The following ATG12 variants were observed in gnomAD, a reference collection of about 807,000 sequenced individuals.
ATG12 encodes autophagy related 12, also known as ubiquitin-like protein ATG12.
Under a neutral mutation model 17.6 loss-of-function variants are expected in ATG12, and 19 were observed. The ratio of observed to expected loss-of-function variants is 1.08; its 90% CI spans 0.75 to 1.58. The LOEUF (loss-of-function observed/expected upper bound fraction) is 1.58. Ranked by LOEUF, ATG12 falls within the 40% of genes most tolerant of loss-of-function variation. The pLI is 0.00. For missense variants in ATG12, 214 were observed against 162.0 expected, an observed-to-expected ratio of 1.32 and a Z score of -1.74; for synonymous variants, 75 against 62.4, an observed-to-expected ratio of 1.20 and a Z score of -0.95.
chr5:115,840,103 GA>G (rs1306137157), intron 1 of ATG12, among the ~76,000 whole-genome samples: 1 of 152,042 alleles, frequency 6.6e-6, no homozygotes, highest in Non-Finnish European at 1.5e-5. Context: ...TAAATTGGAA[GA>G]AAAAATGCAA....
At chr5:115,840,802 C>T (rs1580580334) in intron 1 of ATG12, 29 of 1,207,132 alleles carry the variant, frequency 2.4e-5, no homozygotes, top group Middle Eastern at 2.3e-4. Flanking sequence ...CTGACTCAAG[C>T]AATGAAATAA....
intron 2 of ATG12, chr5:115,834,087 G>A (rs528333422): frequency 6.6e-6 from 1 of 152,250 alleles, no homozygotes; most frequent in African/African-American, 2.4e-5. Flanking sequence ...CTAGCAAAAG[G>A]GTCAGTGATG....
chr5:115,839,976 G>A (rs980674749), intron 1 of ATG12, among the ~76,000 whole-genome samples: 2 of 152,330 alleles, frequency 1.3e-5, no homozygotes, highest in Admixed American at 6.5e-5. Flanking sequence ...TATTTAGATT[G>A]TAAGCCATTT....
Position 115,832,626 on chromosome 5 carries a change from G to C in ATG12, c.339C>G (p.Asp113Glu), listed in dbSNP as rs747389978. The change falls in exon 3 of 4, where the codon GAC (aspartate) becomes GAG (glutamate). Residue 113 changes from aspartate (D) to glutamate (E), a missense_variant. Transcript: ENST00000509910. ...CCTCATAGAGAGTTCCAACTTCTTG[G>C]TCTGGGGAAGGAGCAAAGGACTGAT... ...YVNQSFAPSP[D>E]QEVGTLYECF... 24 of 1,477,434 alleles carry C rather than the reference G, an allele frequency of 1.6e-5. No individual in the cohort carries two copies. The highest frequency in any genetic ancestry group is 7.7e-5 in the Admixed American group (3 of 38,898). 91.5% of individuals were successfully genotyped at this position (1,477,434 alleles called of 1,614,324 possible).
At position 115,832,571 on chromosome 5, in the gene ATG12, CTTTTTTTTT is replaced by C. The variant is rs35310189; in HGVS notation, c.363+22_363+30del. 1,887 of 801,464 alleles carry C rather than the reference CTTTTTTTTT, an allele frequency of 2.4e-3. 1 individual carries two copies. The highest frequency in any genetic ancestry group is 3.8e-3 in the Middle Eastern group (7 of 1,854). 49.6% of individuals were successfully genotyped at this position (801,464 alleles called of 1,614,324 possible). On this transcript the variant is annotated intron_variant, in intron 3 of 3. Transcript: ENST00000509910. ...AAGAAAAAAAAGCAGTAATTTCTTT[CTTTTTTTTT>C]TTTTTTTTTTTTTTTTTTTACCTCA...
intron 2 of ATG12, among the ~76,000 whole-genome samples, chr5:115,836,915 C>T (rs1054645532): frequency 4.6e-5 from 7 of 152,176 alleles, no homozygotes; most frequent in African/African-American, 7.2e-5. Context: ...AAGTGCTTAA[C>T]GTGTACTGTT....
intron 2 of ATG12, chr5:115,835,176 T>A (rs1219712138): frequency 1.3e-5 from 2 of 152,174 alleles, no homozygotes; most frequent in Non-Finnish European, 2.9e-5. Flanking sequence ...ACCATCTTAT[T>A]GTTTTTAGCT....
At chr5:115,832,709 A>G (rs767289034) in intron 2 of ATG12, 45 bp from the exon 3 acceptor site, 1 of 1,444,820 alleles carries the variant, frequency 6.9e-7, no homozygotes, top group South Asian at 1.5e-5. Context: ...TGGTATCCTG[A>G]TTAATCTGCA....
Position 115,841,389 on chromosome 5 carries a change from CTTT to C in ATG12, c.161_163del (p.Lys54del). The C allele has an allele frequency of 6.2e-7, 1 of 1,611,702 alleles. No individual in the cohort carries two copies. The highest frequency in any genetic ancestry group is 1.8e-4 in the Middle Eastern group (1 of 5,524). ...CTCTGCCCGGAAATAAATTCAGTTACTTTTTTTCTTGGTGTCGCCAGCAGGTTC... is the reference window on the plus strand; with the variant it reads ...CTCTGCCCGGAAATAAATTCAGTTACTTTTCTTGGTGTCGCCAGCAGGTTC... On this transcript the variant is annotated inframe_deletion and splice_region_variant, in exon 1 of 4. Coordinates refer to ENST00000509910, the MANE Select transcript of ATG12 (RefSeq NM_004707.4).
In ATG12 at chr5:115,831,569, G is replaced by C. The variant is rs1433479178; in HGVS notation, c.*235C>G. Reference sequence around the variant, plus strand: ...CTGCAGCAATAATAGTAACAAGTAGGAGCAATGGGTGTACTATCATGACCA... The same window carrying C: ...CTGCAGCAATAATAGTAACAAGTAGCAGCAATGGGTGTACTATCATGACCA... On this transcript the variant is annotated 3_prime_UTR_variant, in exon 4 of 4. Transcript: ENST00000509910. 1.8e-5 allele frequency: 10 copies of C among 568,452 alleles called. No individual in the cohort carries two copies. In the Admixed American group the frequency reaches 3.3e-4, roughly 19 times the overall value. The allele number at this position is 568,452 out of a possible 1,614,324, so 35.2% of individuals were successfully genotyped here. A position where few individuals can be genotyped will look rare whatever the true frequency, so the allele number is the denominator to read the frequency against.
Position 115,837,748 on chromosome 5 carries a change from C to G in ATG12, c.180G>C (p.Lys60Asn). The G allele has an allele frequency of 6.2e-7, 1 of 1,601,600 alleles. No individual in the cohort carries two copies. Among genetic ancestry groups the G allele is most frequent in the Non-Finnish European group, 8.5e-7 (1 of 1,176,712 alleles). ...TCATAATAGGAGTGTCTCCCACAGCCTTTAGCAAAATGTCAACTGTAAAAG... is the reference window on the plus strand; with the variant it reads ...TCATAATAGGAGTGTCTCCCACAGCGTTTAGCAAAATGTCAACTGTAAAAG... Reference protein sequence around the residue: ...DTKKKIDILLKAVGDTPIMKT... With the variant: ...DTKKKIDILLNAVGDTPIMKT... The change falls in exon 2 of 4, where the codon AAG becomes AAC. Residue 60 changes from lysine (K) to asparagine (N), a missense_variant. Transcript: ENST00000509910.
chr5:115,831,638 G>C lies in ATG12; in HGVS notation c.*166C>G. On this transcript the variant is annotated 3_prime_UTR_variant, in exon 4 of 4. Transcript: ENST00000509910. ...GCATTAATACAAATCACATTTTTCT[G>C]AGTCCATTCATGCTATGGATGTTTT... 3.0e-6 allele frequency: 2 copies of C among 675,484 alleles called. No individual in the cohort carries two copies. The highest frequency in any genetic ancestry group is 5.2e-6 in the Non-Finnish European group (2 of 385,972). 41.8% of individuals were successfully genotyped at this position (675,484 alleles called of 1,614,324 possible). A position where few individuals can be genotyped will look rare whatever the true frequency, so the allele number is the denominator to read the frequency against.
In ATG12 at chr5:115,830,777, A is replaced by C. The variant is rs1486340288; in HGVS notation, c.*1027T>G. On this transcript the variant is annotated 3_prime_UTR_variant, in exon 4 of 4. Transcript: ENST00000509910. ...CGCAATCCCCACACCTCAGCCTTCC[A>C]AAGTGCTGGGATTACAGGTGTAAGC... The C allele has an allele frequency of 6.6e-6, 1 of 152,122 alleles. No homozygotes were observed. The highest frequency in any genetic ancestry group is 2.4e-5 in the African/African-American group (1 of 41,394). 9.4% of individuals were successfully genotyped at this position (152,122 alleles called of 1,614,324 possible).
In ATG12 at chr5:115,832,670, A is replaced by G; in HGVS notation, c.301-6T>C. On this transcript the variant is annotated splice_region_variant and splice_polypyrimidine_tract_variant and intron_variant, in intron 2 of 3. Transcript: ENST00000509910. Reference sequence around the variant, plus strand: ...GACTGATTCACATAAATAAACTACAAGAAAGGAAGGAAAAACAGAGATGTT... The same window carrying G: ...GACTGATTCACATAAATAAACTACAGGAAAGGAAGGAAAAACAGAGATGTT... 6.5e-7 allele frequency: 1 copy of G among 1,528,428 alleles called. No homozygotes were observed. Among genetic ancestry groups the G allele is most frequent in the African/African-American group, 1.4e-5 (1 of 69,350 alleles). 94.7% of individuals were successfully genotyped at this position (1,528,428 alleles called of 1,614,324 possible).
In ATG12 at chr5:115,831,810, C is replaced by G; in HGVS notation, c.417G>C (p.Trp139Cys). ...AGTTGATTTTCTTTGTGGTTCATCC[C>G]CACGCCTGAGACTTGCAGTAATGTA... is the stretch of plus-strand genomic sequence containing the variant. ...LVLHYCKSQA[W>C]G Residue 139 changes from tryptophan (W) to cysteine (C), a missense_variant, in exon 4 of 4, where the codon TGG becomes TGC. Coordinates refer to ENST00000509910, the MANE Select transcript of ATG12 (RefSeq NM_004707.4). 6.2e-7 allele frequency: 1 copy of G among 1,612,290 alleles called. No individual in the cohort carries two copies. The highest frequency in any genetic ancestry group is 8.5e-7 in the Non-Finnish European group (1 of 1,179,444).
At position 115,831,761 on chromosome 5, in the gene ATG12, GA is replaced by G; in HGVS notation, c.*42del. Reference sequence around the variant, plus strand: ...AACTTTTCAGAGCTGTCTCTTCCGTGAAAATCCATTTCATGTAGTAGCAAGT... The same window carrying G: ...AACTTTTCAGAGCTGTCTCTTCCGTGAAATCCATTTCATGTAGTAGCAAGT... On this transcript the variant is annotated 3_prime_UTR_variant, in exon 4 of 4. Coordinates refer to ENST00000509910, the MANE Select transcript of ATG12 (RefSeq NM_004707.4). 6.3e-7 allele frequency: 1 copy of G among 1,591,812 alleles called. No individual in the cohort carries two copies. Among genetic ancestry groups the G allele is most frequent in the East Asian group, 2.2e-5 (1 of 44,550 alleles).
chr5:115,837,218 T>TC (rs1761140629), intron 2 of ATG12, among the ~76,000 whole-genome samples: 1 of 152,138 alleles, frequency 6.6e-6, no homozygotes, highest in African/African-American at 2.4e-5. Context: ...CCCCAGAGAA[T>TC]CCTTTGATAA....
Position 115,832,603 on chromosome 5 carries a change from T to C in ATG12, c.362A>G (p.Glu121Gly). ...SPDQEVGTLY[E>G]CFGSDGKLVL... Reference sequence around the variant, plus strand: ...TTTTTTTTTTTTTTTTTTTTTTACCTCATAGAGAGTTCCAACTTCTTGGTC... The same window carrying C: ...TTTTTTTTTTTTTTTTTTTTTTACCCCATAGAGAGTTCCAACTTCTTGGTC... Residue 121 changes from glutamate to glycine, a missense_variant and splice_region_variant, in exon 3 of 4, where the codon GAG (glutamate) becomes GGG (glycine). Coordinates refer to ENST00000509910, the MANE Select transcript of ATG12 (RefSeq NM_004707.4). The C allele has an allele frequency of 6.8e-6, 5 of 737,056 alleles. No individual in the cohort carries two copies. Among genetic ancestry groups the C allele is most frequent in the South Asian group, 1.7e-5 (1 of 57,686 alleles). 45.7% of individuals were successfully genotyped at this position (737,056 alleles called of 1,614,324 possible).
Position 115,830,095 on chromosome 5 carries a change from C to T in ATG12, c.*1709G>A, listed in dbSNP as rs1001863424. On this transcript the variant is annotated 3_prime_UTR_variant, in exon 4 of 4. Coordinates refer to ENST00000509910, the MANE Select transcript of ATG12 (RefSeq NM_004707.4). ...TTGTGCCATTACAGTCCAGCCTGGG[C>T]AACAAGACCGAAACGCTGTCTCTTT... is the stretch of plus-strand genomic sequence containing the variant. 7.8e-6 allele frequency: 1 copy of T among 128,318 alleles called. No homozygotes were observed. The highest frequency in any genetic ancestry group is 1.6e-5 in the Non-Finnish European group (1 of 63,580). The allele number at this position is 128,318 out of a possible 1,614,324, so 7.9% of individuals were successfully genotyped here.
Sources: allele counts gnomAD v4.1 joint callset (sites outside exome capture counted in the v4.1 genomes callset), GRCh38; gene constraint gnomAD v4.1.1; transcripts MANE v1.5; gene names NCBI Gene and HGNC (gene_info 2026-07-23, HGNC 2026-07-21).